NOTCH1: variants seen among roughly 807,000 people sequenced by gnomAD.
NOTCH1 encodes notch receptor 1, also known as neurogenic locus notch homolog protein 1.
NOTCH1 carries 37 observed loss-of-function variants against 254.8 expected under a neutral mutation model. The observed-to-expected ratio is 0.15, with a 90% CI of 0.11 to 0.19. NOTCH1 has a LOEUF of 0.19. Among genes scored for constraint, NOTCH1 ranks in the 10% least tolerant of loss-of-function variants. The pLI is 1.00. For missense variants in NOTCH1, 2,972 were observed against 3,708.6 expected (o/e 0.80, Z 5.16); for synonymous variants, 1,731 against 1,618.1 (o/e 1.07, Z -1.68).
intron 2 of NOTCH1, among the ~76,000 whole-genome samples, chr9:136,532,532 G>A (rs1843578162): frequency 6.6e-6 from 1 of 152,194 alleles, no homozygotes; most frequent in Non-Finnish European, 1.5e-5. Flanking sequence ...GCTCCAGGGT[G>A]GATGACACAG....
At chr9:136,522,134 T>C (rs938432046) in intron 4 of NOTCH1, among the ~76,000 whole-genome samples, 11 of 151,936 alleles carry the variant, frequency 7.2e-5, no homozygotes, top group Middle Eastern at 3.2e-3. Flanking sequence ...CGTGCCACCA[T>C]GCCTGGCTAA....
intron 2 of NOTCH1, among the ~76,000 whole-genome samples, chr9:136,539,582 G>A (rs1424462497): frequency 6.6e-6 from 1 of 152,186 alleles, no homozygotes; most frequent in African/African-American, 2.4e-5. Context: ...AGAGACGGGG[G>A]TTTCGCCATG....
chr9:136,531,163 G>A (rs73668319), intron 2 of NOTCH1, among the ~76,000 whole-genome samples: 6,675 of 152,346 alleles, frequency 0.044, 507 homozygotes, highest in African/African-American at 0.15. Flanking sequence ...CAGCCCAGCA[G>A]TGAAGAAACT....
chr9:136,528,717 G>C (rs533743246), intron 2 of NOTCH1, among the ~76,000 whole-genome samples: 1 of 152,080 alleles, frequency 6.6e-6, no homozygotes, highest in African/African-American at 2.4e-5. Flanking sequence ...CCCCAGCAGA[G>C]CCACAGGTCC....
intron 21 of NOTCH1, 22 bp from the exon 22 acceptor site, chr9:136,507,459 G>A (rs2133345431): frequency 6.3e-7 from 1 of 1,588,810 alleles, no homozygotes; most frequent in Non-Finnish European, 8.6e-7. Flanking sequence ...ACAGAACGAG[G>A]GGCCCTTCGG....
intron 8 of NOTCH1, 142 bp from the exon 9 acceptor site, chr9:136,517,527 G>A (rs1171575607): frequency 1.2e-6 from 1 of 814,376 alleles, no homozygotes; most frequent in Non-Finnish European, 2.0e-6. Flanking sequence ...CCGCTCCCCT[G>A]CAGCCCGTGG....
At chr9:136,518,524 G>T in intron 6 of NOTCH1, 67 bp downstream of exon 6, 1 of 1,435,018 alleles carries the variant, frequency 7.0e-7, no homozygotes, top group Non-Finnish European at 9.7e-7. Context: ...GTCCCTGGGT[G>T]AGGTCACACA....
chr9:136,512,981 G>C, intron 15 of NOTCH1, 40 bp downstream of exon 15: 1 of 429,546 alleles, frequency 2.3e-6, no homozygotes, highest in South Asian at 1.8e-5. Context: ...CTCCCACATA[G>C]GCCCCGCCCC....
chr9:136,494,849 G>T lies in NOTCH1; in HGVS notation c.*1222C>A. 2.5e-6 allele frequency: 1 copy of T among 398,652 alleles called. No individual in the cohort carries two copies. 24.7% of individuals were successfully genotyped at this position (398,652 alleles called of 1,614,324 possible). A position where few individuals can be genotyped will look rare whatever the true frequency, so the allele number is the denominator to read the frequency against. ...ATTTTTTCTGCCATAGGCTATACTT[G>T]GTATTGCAAAAATCTGCTCCTCCCA... On this transcript the variant is annotated 3_prime_UTR_variant, in exon 34 of 34. Coordinates refer to ENST00000651671, the MANE Select transcript of NOTCH1 (RefSeq NM_017617.5).
chr9:136,509,063 A>C lies in NOTCH1; in HGVS notation c.2978T>G (p.Phe993Cys), dbSNP rs745586751. Residue 993 changes from phenylalanine to cysteine, a missense_variant, in exon 19 of 34, where the codon TTC becomes TGC. Transcript: ENST00000651671. Reference protein sequence around the residue: ...NTPDCTESSCFNGGTCVDGIN... With the variant: ...NTPDCTESSCCNGGTCVDGIN... Reference sequence around the variant, plus strand: ...GCCGTCCACGCAGGTGCCACCGTTGAAGCAGGAGCTGCAAGGGGGTGGGCA... The same window carrying C: ...GCCGTCCACGCAGGTGCCACCGTTGCAGCAGGAGCTGCAAGGGGGTGGGCA... 1 of 1,557,156 alleles carries C rather than the reference A, an allele frequency of 6.4e-7. No homozygotes were observed. The highest frequency in any genetic ancestry group is 8.7e-7 in the Non-Finnish European group (1 of 1,151,294).
chr9:136,538,680 C>T (rs1021223158), intron 2 of NOTCH1, among the ~76,000 whole-genome samples: 1 of 152,236 alleles, frequency 6.6e-6, no homozygotes, highest in African/African-American at 2.4e-5. Flanking sequence ...AAAGCTGACG[C>T]CAGCCTGCCT....
chr9:136,527,728 C>T (rs35608614), intron 2 of NOTCH1, among the ~76,000 whole-genome samples: 5,871 of 152,326 alleles, frequency 0.039, 176 homozygotes, highest in Admixed American at 0.092. Flanking sequence ...TAGGGTCACC[C>T]GGCACCTGCC....
chr9:136,507,026 C>A (rs897975588), intron 22 of NOTCH1, 53 bp from the exon 23 acceptor site: 13 of 1,579,912 alleles, frequency 8.2e-6, no homozygotes, highest in African/African-American at 2.7e-5. Flanking sequence ...CCGGCCCTGC[C>A]GTGCCGCGTG....
rs956303892 is a variant in NOTCH1 at position 136,495,500 on chromosome 9, G to A, written c.*571C>T. The A allele has an allele frequency of 2.0e-5, 8 of 399,280 alleles. No individual in the cohort carries two copies. The highest frequency in any genetic ancestry group is 4.4e-5 in the Admixed American group (1 of 22,792). 24.7% of individuals were successfully genotyped at this position (399,280 alleles called of 1,614,324 possible). ...TCCTATTTCAGATGCAAATTAATCCGCGTGCGGAAGGTGAGCCAGCTTTGC... is the reference window on the plus strand; with the variant it reads ...TCCTATTTCAGATGCAAATTAATCCACGTGCGGAAGGTGAGCCAGCTTTGC... On this transcript the variant is annotated 3_prime_UTR_variant, in exon 34 of 34. Transcript: ENST00000651671.
chr9:136,522,569 G>C (rs983151145), intron 4 of NOTCH1: 2 of 478,094 alleles, frequency 4.2e-6, no homozygotes, highest in Non-Finnish European at 7.3e-6. Context: ...TGCCTGCACT[G>C]GGGGGAGGCA....
chr9:136,510,226 C>G (rs1287222137), intron 17 of NOTCH1, among the ~76,000 whole-genome samples: 1 of 152,214 alleles, frequency 6.6e-6, no homozygotes, highest in Admixed American at 6.5e-5. Context: ...CTTCACAGAC[C>G]GAGCAGGGGA....
At chr9:136,510,616 G>C (rs1843164167) in intron 17 of NOTCH1, 37 bp downstream of exon 17, 1 of 1,590,248 alleles carries the variant, frequency 6.3e-7, no homozygotes. Context: ...AGGCCTGAGA[G>C]CTTCCTGGAG....
At chr9:136,539,157 T>C (rs1160951116) in intron 2 of NOTCH1, among the ~76,000 whole-genome samples, 1 of 152,232 alleles carries the variant, frequency 6.6e-6, no homozygotes, top group African/African-American at 2.4e-5. Context: ...CCCTACCCTC[T>C]TCCTGCCAGG....
intron 7 of NOTCH1, 25 bp from the exon 8 acceptor site, chr9:136,517,962 G>A (rs2133369177): frequency 1.2e-6 from 2 of 1,604,442 alleles, no homozygotes; most frequent in Non-Finnish European, 1.7e-6. Context: ...CGGGTGAGAG[G>A]CTGCTCCAGG....
Sources: gnomAD v4.1 joint callset for allele counts (sites outside exome capture counted in the v4.1 genomes callset) on GRCh38, gnomAD v4.1.1 for gene constraint, MANE v1.5 for transcripts, NCBI Gene and HGNC (gene_info 2026-07-23, HGNC 2026-07-21) for gene names.